The following CCDC180 variants were observed in gnomAD, a reference collection of about 807,000 sequenced individuals.
CCDC180 encodes coiled-coil domain containing 180, also known as coiled-coil domain-containing protein 180.
A neutral mutation model predicts 209.2 loss-of-function variants in CCDC180; 154 were observed. The observed-to-expected ratio is 0.74, with a 90% CI of 0.65 to 0.84. The LOEUF is 0.84. Among genes scored for constraint, CCDC180 ranks in the 40% least tolerant of loss-of-function variants. The pLI is 0.00. For synonymous variants in CCDC180, 778 were observed against 749.1 expected (o/e 1.04, Z -0.63); for missense variants, 1,874 against 1,997.3 (o/e 0.94, Z 1.18).
chr9:97,371,250 C>T, intron 33 of CCDC180: 1 of 175,138 alleles, frequency 5.7e-6, no homozygotes, highest in Non-Finnish European at 1.2e-5. Flanking sequence ...AGGCGTGAGC[C>T]ACCGCGCCCG....
In CCDC180 at chr9:97,366,762, TC is replaced by T. The variant is rs1826935282; in HGVS notation, c.4189+63del. 6.3e-7 allele frequency: 1 copy of T among 1,578,742 alleles called. No individual in the cohort carries two copies. The highest frequency in any genetic ancestry group is 1.2e-5 in the South Asian group (1 of 84,922). On this transcript the variant is annotated intron_variant, in intron 31 of 36. Transcript: ENST00000529487. The surrounding 1 kb of genome is among the most constrained non-coding windows in gnomAD (Gnocchi z 4.3). ...CGGGGCGCGAAGCCAGTGGTGGAGCTCGGCCTTGGCCTTGTGGCCTGGATCC... is the reference window on the plus strand; with the variant it reads ...CGGGGCGCGAAGCCAGTGGTGGAGCTGGCCTTGGCCTTGTGGCCTGGATCC...
At chr9:97,356,978 A>G (rs1189422688) in intron 24 of CCDC180, among the ~76,000 whole-genome samples, 2 of 152,250 alleles carry the variant, frequency 1.3e-5, no homozygotes, top group Non-Finnish European at 2.9e-5. Context: ...ATCTTTAAAT[A>G]TTCTGCAAAG....
chr9:97,317,035 G>A, intron 8 of CCDC180, 30 bp from the exon 9 acceptor site: 1 of 1,589,936 alleles, frequency 6.3e-7, no homozygotes, highest in African/African-American at 1.3e-5. Context: ...ACCCTGCCCT[G>A]TCTAGAGCCC....
intron 35 of CCDC180, 54 bp from the exon 36 acceptor site, chr9:97,375,400 G>C: frequency 6.2e-7 from 1 of 1,609,162 alleles, no homozygotes; most frequent in African/African-American, 1.3e-5. Context: ...TTGGTAGGTG[G>C]ATTATGAAAG....
rs991214799 is a variant in CCDC180 at position 97,350,401 on chromosome 9, T to C, written c.2856-8T>C. The C allele has an allele frequency of 7.8e-6, 12 of 1,534,824 alleles. No individual in the cohort carries two copies. The highest frequency in any genetic ancestry group is 1.0e-5 in the Non-Finnish European group (12 of 1,146,898). On this transcript the variant is annotated splice_polypyrimidine_tract_variant and splice_region_variant and intron_variant, in intron 21 of 36. Coordinates refer to ENST00000529487, the MANE Select transcript of CCDC180 (RefSeq NM_020893.6). ...ATCACTGTCCTGTTCCTCCTCTGTC[T>C]CCCACAGGCTGGTCACTCTCAGCAA...
Position 97,375,556 on chromosome 9 carries a change from G to T in CCDC180, c.4809G>T (p.Leu1603=). Residue 1603 remains leucine (L), a synonymous_variant, in exon 36 of 37, where the codon CTG becomes CTT. Coordinates refer to ENST00000529487, the MANE Select transcript of CCDC180 (RefSeq NM_020893.6). ...ISTTKTTLGH[L]AAVEARDAVY... ...CCACCAAAACCACCCTGGGCCACCTGGCGGCCGTGGAAGCCCGAGATGCTG... is the reference window on the plus strand; with the variant it reads ...CCACCAAAACCACCCTGGGCCACCTTGCGGCCGTGGAAGCCCGAGATGCTG... 2 of 1,614,214 alleles carry T rather than the reference G, an allele frequency of 1.2e-6. No individual in the cohort carries two copies. Among genetic ancestry groups the T allele is most frequent in the Non-Finnish European group, 1.7e-6 (2 of 1,180,034 alleles).
intron 33 of CCDC180, 172 bp downstream of exon 33, chr9:97,370,950 C>T (rs1587837419): frequency 3.6e-4 from 42 of 115,110 alleles, no homozygotes; most frequent in East Asian, 5.2e-4. Flanking sequence ...AACTTGTATA[C>T]TTTTTTTTTT....
chr9:97,320,356 C>T (rs1466162726), intron 11 of CCDC180, 151 bp downstream of exon 11: 1 of 704,446 alleles, frequency 1.4e-6, no homozygotes, highest in South Asian at 1.7e-5. Context: ...GCTCAAAAGG[C>T]CCCCCTCCCT....
chr9:97,346,489 C>CA (rs1396515059), intron 19 of CCDC180, among the ~76,000 whole-genome samples: 1 of 152,166 alleles, frequency 6.6e-6, no homozygotes, highest in Non-Finnish European at 1.5e-5. Context: ...ACATCAAAGT[C>CA]AATGACCTTC....
chr9:97,364,121 G>C lies in CCDC180; in HGVS notation c.3973G>C (p.Ala1325Pro). ...YRVLGDKPPP[A>P]AEDFKGIILT... Reference sequence around the variant, plus strand: ...GGTGCTTGGGGACAAGCCTCCCCCTGCTGCCGAGTGAGTAACAACGCCTTT... The same window carrying C: ...GGTGCTTGGGGACAAGCCTCCCCCTCCTGCCGAGTGAGTAACAACGCCTTT... The change falls in exon 29 of 37, where the codon GCT becomes CCT. Residue 1325 changes from alanine to proline, a missense_variant. Coordinates refer to ENST00000529487, the MANE Select transcript of CCDC180 (RefSeq NM_020893.6). 1.9e-6 allele frequency: 3 copies of C among 1,614,082 alleles called. No individual in the cohort carries two copies. Among genetic ancestry groups the C allele is most frequent in the Non-Finnish European group, 2.5e-6 (3 of 1,180,018 alleles).
In CCDC180 at chr9:97,330,636, G is replaced by C. The variant is rs79340881; in HGVS notation, c.2143G>C (p.Gly715Arg). ...ATCCCTGAATGAGGAGAATGTGAAG[G>C]GTCAAGGAGAAAAGAAGGAGGAGTC... The part of the protein sequence containing the change: ...NPSLNEENVK[G>R]QGEKKEESEE... The change falls in exon 18 of 37, where the codon GGT becomes CGT. Residue 715 changes from glycine (G) to arginine (R), a missense_variant. Gly to Arg is a moderately radical substitution (Grantham distance 125, BLOSUM62 -2). Transcript: ENST00000529487. The C allele has an allele frequency of 7.9e-3, 12,674 of 1,613,286 alleles. 358 individuals carry two copies. The East Asian group carries it at 0.096, about 12-fold the overall frequency.
At position 97,362,149 on chromosome 9, in the gene CCDC180, C is replaced by T. The variant is rs758972683; in HGVS notation, c.3657-47C>T. On this transcript the variant is annotated intron_variant, in intron 27 of 36. Coordinates refer to ENST00000529487, the MANE Select transcript of CCDC180 (RefSeq NM_020893.6). Reference sequence around the variant, plus strand: ...CTGCTCAGAGCCTGGCCTGAGCTACCCCCATGGTCACCGGAGAAGAGCTCA... The same window carrying T: ...CTGCTCAGAGCCTGGCCTGAGCTACTCCCATGGTCACCGGAGAAGAGCTCA... 85 of 1,581,126 alleles carry T rather than the reference C, an allele frequency of 5.4e-5. No homozygotes were observed. The Middle Eastern group carries it at 1.5e-3, about 28-fold the overall frequency.
chr9:97,337,972 C>A (rs1011077933), intron 18 of CCDC180, among the ~76,000 whole-genome samples: 2 of 152,162 alleles, frequency 1.3e-5, no homozygotes, highest in Admixed American at 6.5e-5. Flanking sequence ...ATAGTATTCT[C>A]TGATGGTAGT....
intron 15 of CCDC180, among the ~76,000 whole-genome samples, chr9:97,327,506 CTG>C (rs1320412168): frequency 6.6e-6 from 1 of 152,142 alleles, no homozygotes; most frequent in African/African-American, 2.4e-5. Context: ...AAGCAGTTCT[CTG>C]TGAACTTTCT....
At chr9:97,311,913 G>T (rs1421352202) in intron 3 of CCDC180, among the ~76,000 whole-genome samples, 200 bp from the exon 4 acceptor site, 1 of 152,136 alleles carries the variant, frequency 6.6e-6, no homozygotes, top group Non-Finnish European at 1.5e-5. Context: ...GACCCACGGT[G>T]TCTGTTGGCA....
Position 97,366,433 on chromosome 9 carries a change from C to A in CCDC180, c.4048-126C>A. 1.0e-6 allele frequency: 1 copy of A among 980,704 alleles called. No individual in the cohort carries two copies. Among genetic ancestry groups the A allele is most frequent in the Non-Finnish European group, 1.5e-6 (1 of 665,212 alleles). The allele number at this position is 980,704 out of a possible 1,614,324, so 60.8% of individuals were successfully genotyped here. A position where few individuals can be genotyped will look rare whatever the true frequency, so the allele number is the denominator to read the frequency against. Reference sequence around the variant, plus strand: ...GAAGGAGGAGTGTCTGCTCGTGTCACTTCCACAGGGGATGCCACGAGCAAA... The same window carrying A: ...GAAGGAGGAGTGTCTGCTCGTGTCAATTCCACAGGGGATGCCACGAGCAAA... On this transcript the variant is annotated intron_variant, in intron 30 of 36. Coordinates refer to ENST00000529487, the MANE Select transcript of CCDC180 (RefSeq NM_020893.6). This position sits in a 1 kb window ranked among gnomAD's most constrained non-coding sequence, Gnocchi z 4.3.
At chr9:97,349,316 C>A in intron 21 of CCDC180, 25 bp downstream of exon 21, 3 of 1,526,230 alleles carry the variant, frequency 2.0e-6, no homozygotes, top group Non-Finnish European at 2.6e-6. Context: ...GAGTCTCCAC[C>A]CCAGCCATGT....
At chr9:97,364,200 A>C (rs1826853484) in intron 29 of CCDC180, 72 bp downstream of exon 29, 1 of 1,409,464 alleles carries the variant, frequency 7.1e-7, no homozygotes, top group East Asian at 2.5e-5. Context: ...AATGTGACTC[A>C]GCTGAGGGGA....
intron 16 of CCDC180, 63 bp downstream of exon 16, chr9:97,328,209 T>A: frequency 6.4e-7 from 1 of 1,569,602 alleles, no homozygotes; most frequent in East Asian, 2.3e-5. Flanking sequence ...GGCTGACTTC[T>A]TGTTATGATC....
Sources: gnomAD v4.1 joint callset for allele counts (sites outside exome capture counted in the v4.1 genomes callset) on GRCh38, gnomAD v4.1.1 for gene constraint, Gnocchi (gnomAD v3.1) non-coding constraint, MANE v1.5 for transcripts, NCBI Gene and HGNC (gene_info 2026-07-23, HGNC 2026-07-21) for gene names.